TPCN1: variants seen among roughly 807,000 people sequenced by gnomAD.
The protein encoded by TPCN1 is two pore segment channel 1, also known as two pore channel protein 1.
In TPCN1, 52 loss-of-function variants were observed where a neutral mutation model predicts 108.8. The observed-to-expected ratio is 0.48, with a 90% CI of 0.38 to 0.60. The LOEUF is 0.60. Among genes scored for constraint, TPCN1 ranks in the 20% least tolerant of loss-of-function variants. TPCN1 has a pLI of 0.00. For synonymous variants in TPCN1, 446 were observed against 433.7 expected (o/e 1.03, Z -0.35); for missense variants, 806 against 1,072.8 (o/e 0.75, Z 3.47).
chr12:113,288,178 G>A lies in TPCN1; in HGVS notation c.1650G>A (p.Lys550=). Residue 550 remains lysine, a synonymous_variant, in exon 20 of 28, where the codon AAG becomes AAA. Coordinates refer to ENST00000335509, the MANE Select transcript of TPCN1 (RefSeq NM_017901.6). This position sits in a 1 kb window ranked among gnomAD's most constrained non-coding sequence, Gnocchi z 4.8. ...CCTCGCTCAGGTTGTTTAAGTTGAAGGAGCGCTACCGCAACGTGCTGGACA... is the reference window on the plus strand; with the variant it reads ...CCTCGCTCAGGTTGTTTAAGTTGAAAGAGCGCTACCGCAACGTGCTGGACA... The part of the protein sequence containing the change: ...PLQLLRLFKL[K]ERYRNVLDTM... 6.2e-7 allele frequency: 1 copy of A among 1,613,624 alleles called. No homozygotes were observed. Among genetic ancestry groups the A allele is most frequent in the Non-Finnish European group, 8.5e-7 (1 of 1,179,716 alleles).
Position 113,290,170 on chromosome 12 carries a change from C to T in TPCN1, c.1839C>T (p.Thr613=), listed in dbSNP as rs1351123958. 9.3e-6 allele frequency: 15 copies of T among 1,606,722 alleles called. No individual in the cohort carries two copies. The highest frequency in any genetic ancestry group is 4.5e-5 in the South Asian group (4 of 89,682). Residue 613 remains threonine (T), a synonymous_variant, in exon 22 of 28, where the codon ACC becomes ACT. Transcript: ENST00000335509. The part of the protein sequence containing the change: ...VADAYRWRNH[T]VGNRTVVEEG... ...ATGCCTACCGCTGGCGCAACCACAC[C>T]GTGGGCAACAGGACCGTGGTGGAGG...
In TPCN1 at chr12:113,231,633, T is replaced by C. The variant is rs1160430887; in HGVS notation, c.112+4669T>C. Among the ~76,000 whole-genome samples the C allele has an allele frequency of 6.6e-6, 1 of 152,148 alleles. No individual in the cohort carries two copies. The highest frequency in any genetic ancestry group is 6.5e-5 in the Admixed American group (1 of 15,282). On this transcript the variant is annotated intron_variant, in intron 2 of 27. Transcript: ENST00000335509. The surrounding 1 kb of genome is among the most constrained non-coding windows in gnomAD (Gnocchi z 4.3). ...GTGCTGCCTGTGACCTTTAACCCTA[T>C]GTGAGGGCCTTATCCCTGCAGGAAA...
intron 2 of TPCN1, among the ~76,000 whole-genome samples, chr12:113,235,507 TAAA>T (rs35994827): frequency 1.2e-4 from 17 of 143,266 alleles, no homozygotes; most frequent in Non-Finnish European, 2.2e-4. Context: ...AGTAGTGGTT[TAAA>T]AAAAAAAAAA....
intron 2 of TPCN1, among the ~76,000 whole-genome samples, chr12:113,238,069 A>C (rs1953961705): frequency 1.3e-5 from 2 of 152,192 alleles, no homozygotes; most frequent in African/African-American, 4.8e-5. Context: ...TAGTCTGTTC[A>C]GATGGCAGCC....
Position 113,274,745 on chromosome 12 carries a change from T to C in TPCN1, c.942+1077T>C, listed in dbSNP as rs61943613. Among the ~76,000 whole-genome samples, 1,191 of 152,344 alleles carry C rather than the reference T, an allele frequency of 7.8e-3. 3 individuals carry two copies. Among genetic ancestry groups the C allele is most frequent in the Non-Finnish European group, 0.013 (900 of 68,030 alleles). ...TGGAGGTAGTGAGTATGGTTCTCCA[T>C]GTGCAGATGAAGAGACTGAGGGTCA... On this transcript the variant is annotated intron_variant, in intron 10 of 27. Transcript: ENST00000335509.
intron 23 of TPCN1, 110 bp downstream of exon 23, chr12:113,291,108 G>T (rs769631923): frequency 5.5e-6 from 6 of 1,084,644 alleles, no homozygotes; most frequent in South Asian, 3.9e-5. Context: ...AGGGCTGGGG[G>T]TCTTGAGTCA....
At position 113,272,500 on chromosome 12, in the gene TPCN1, C is replaced by G. The variant is rs527705625; in HGVS notation, c.749-158C>G. On this transcript the variant is annotated intron_variant, in intron 7 of 27. Transcript: ENST00000335509. The surrounding 1 kb of genome is among the most constrained non-coding windows in gnomAD (Gnocchi z 4.1). ...TGCCAGCAGCCCTGCTCCCTTCCAA[C>G]AGAGCATGTGTTCTCAGGGTGCTGT... Among the ~76,000 whole-genome samples the G allele has an allele frequency of 5.9e-5, 9 of 152,220 alleles. No individual in the cohort carries two copies. The highest frequency in any genetic ancestry group is 1.3e-4 in the Non-Finnish European group (9 of 68,048).
Position 113,238,547 on chromosome 12 carries a change from G to A in TPCN1, c.112+11583G>A, listed in dbSNP as rs1043485044. ...CTATCTCTTGCTATCCACCTGCCTC[G>A]GCCTCCCAAAGTGCTGAGATTACAG... On this transcript the variant is annotated intron_variant, in intron 2 of 27. Transcript: ENST00000335509. 3.3e-5 allele frequency among the ~76,000 whole-genome samples: 5 copies of A among 152,068 alleles called. No homozygotes were observed. In the East Asian group the frequency reaches 5.8e-4, roughly 18 times the overall value.
Position 113,268,703 on chromosome 12 carries a change from C to G in TPCN1, c.529-39C>G. 1 of 1,609,320 alleles carries G rather than the reference C, an allele frequency of 6.2e-7. No individual in the cohort carries two copies. The highest frequency in any genetic ancestry group is 8.5e-7 in the Non-Finnish European group (1 of 1,178,692). On this transcript the variant is annotated intron_variant, in intron 5 of 27. Transcript: ENST00000335509. This position sits in a 1 kb window ranked among gnomAD's most constrained non-coding sequence, Gnocchi z 7.3. Reference sequence around the variant, plus strand: ...CCAGGTATGCAGGATGACGGCTGGGCTGCAGGGGCTGACGGTGCTCCATGC... The same window carrying G: ...CCAGGTATGCAGGATGACGGCTGGGGTGCAGGGGCTGACGGTGCTCCATGC...
At chr12:113,283,493 G>A (rs1390524309) in intron 15 of TPCN1, among the ~76,000 whole-genome samples, 1 of 151,980 alleles carries the variant, frequency 6.6e-6, no homozygotes, top group Non-Finnish European at 1.5e-5. Context: ...AAATTAGCTG[G>A]CGTGGTGGTG....
In TPCN1 at chr12:113,273,280, A is replaced by C; in HGVS notation, c.832A>C (p.Thr278Pro). The C allele has an allele frequency of 5.6e-6, 9 of 1,614,170 alleles. No homozygotes were observed. The highest frequency in any genetic ancestry group is 7.6e-6 in the Non-Finnish European group (9 of 1,180,032). The change falls in exon 9 of 28, where the codon ACC (threonine) becomes CCC (proline). Residue 278 changes from threonine to proline, a missense_variant. Physicochemically the swap from Thr to Pro is conservative, Grantham distance 38. Transcript: ENST00000335509. The surrounding 1 kb of genome is among the most constrained non-coding windows in gnomAD (Gnocchi z 4.0). The stretch of plus-strand genomic sequence containing the variant: ...CATCGTCAGTCTGTTTGTCCTTCTG[A>C]CCACAGCCAAGTAAGTGCAGGCTCT... ...NSIVSLFVLL[T>P]TANFPDVMMP...
At chr12:113,236,087 C>A (rs577859363) in intron 2 of TPCN1, among the ~76,000 whole-genome samples, 1 of 152,104 alleles carries the variant, frequency 6.6e-6, no homozygotes, top group Non-Finnish European at 1.5e-5. Flanking sequence ...GGAAAAGCCC[C>A]GGGCACTTTA....
rs562090848 is a variant in TPCN1, at chr12:113,292,818, G to A, written c.2114-116G>A. 9.3e-5 allele frequency: 112 copies of A among 1,198,342 alleles called. No individual in the cohort carries two copies. In the South Asian group the frequency reaches 1.3e-3, roughly 13 times the overall value. The allele number at this position is 1,198,342 out of a possible 1,614,324, so 74.2% of individuals were successfully genotyped here. On this transcript the variant is annotated intron_variant, in intron 25 of 27. Transcript: ENST00000335509. ...GAGAGCAGGACACCAATGCAGTGTC[G>A]GTTTAGAGAGAGAACCTTAAGACCC...
Position 113,263,206 on chromosome 12 carries a change from A to T in TPCN1, c.237+2714A>T, listed in dbSNP as rs578077387. On this transcript the variant is annotated intron_variant, in intron 3 of 27. Transcript: ENST00000335509. ...ATTTTACCAAAAATGCATTATTTTT[A>T]AAAAAATTAAAGAAAAACTTGGATT... is the stretch of plus-strand genomic sequence containing the variant. Among the ~76,000 whole-genome samples, 90 of 152,296 alleles carry T rather than the reference A, an allele frequency of 5.9e-4. 3 individuals are homozygous for T. In the South Asian group the frequency reaches 0.011, roughly 19 times the overall value.
At chr12:113,255,939 C>A (rs1358646645) in intron 2 of TPCN1, among the ~76,000 whole-genome samples, 1 of 151,888 alleles carries the variant, frequency 6.6e-6, no homozygotes, top group Non-Finnish European at 1.5e-5. Context: ...CATCCTCCCA[C>A]CTCAGCCTCC....
chr12:113,222,358 G>A (rs953533041), intron 1 of TPCN1, among the ~76,000 whole-genome samples: 2 of 152,200 alleles, frequency 1.3e-5, no homozygotes, highest in Non-Finnish European at 2.9e-5. Flanking sequence ...TTCCTAAAGT[G>A]GGGATATTAG....
chr12:113,285,906 T>G lies in TPCN1; in HGVS notation c.1471T>G (p.Phe491Val). The G allele has an allele frequency of 6.2e-7, 1 of 1,614,160 alleles. No homozygotes were observed. The highest frequency in any genetic ancestry group is 8.5e-7 in the Non-Finnish European group (1 of 1,179,994). The change falls in exon 18 of 28, where the codon TTC becomes GTC. Residue 491 changes from phenylalanine to valine, a missense_variant. Coordinates refer to ENST00000335509, the MANE Select transcript of TPCN1 (RefSeq NM_017901.6). ...VFLTIYGVEL[F>V]LKVAGLGPVE... is the part of the protein sequence containing the mutation. ...GTCCACAGTCTATGGGGTGGAGCTG[T>G]TCCTGAAGGTTGCCGGCCTGGGCCC...
intron 2 of TPCN1, among the ~76,000 whole-genome samples, chr12:113,241,381 G>T (rs1478414314): frequency 6.6e-6 from 1 of 152,256 alleles, no homozygotes; most frequent in Non-Finnish European, 1.5e-5. Context: ...AGATCCAGGT[G>T]CTGGGGCGTG....
In TPCN1 at chr12:113,221,504, G is replaced by C. The variant is rs1331690640; in HGVS notation, c.-248G>C. ...CCCTGGTGGCAGTGGCTGAAGTGGC[G>C]GCGGCTTCGGCGGCTGCGGCGGCTG... On this transcript the variant is annotated 5_prime_UTR_variant, in exon 1 of 28. Coordinates refer to ENST00000335509, the MANE Select transcript of TPCN1 (RefSeq NM_017901.6). The C allele has an allele frequency of 1.4e-5, 4 of 290,234 alleles. No homozygotes were observed. The highest frequency in any genetic ancestry group is 1.9e-4 in the East Asian group (2 of 10,738). The allele number at this position is 290,234 out of a possible 1,614,324, so 18.0% of individuals were successfully genotyped here.
Sources: allele counts gnomAD v4.1 joint callset (sites outside exome capture counted in the v4.1 genomes callset), GRCh38; gene constraint gnomAD v4.1.1; non-coding constraint Gnocchi (gnomAD v3.1); transcripts MANE v1.5; gene names NCBI Gene and HGNC (gene_info 2026-07-23, HGNC 2026-07-21).